Variants in SPAG16 observed in about 807,000 individuals in gnomAD.
SPAG16 encodes sperm associated antigen 16.
Under a neutral mutation model 80.4 loss-of-function variants are expected in SPAG16, and 86 were observed. That is an observed-to-expected ratio of 1.07 (90% CI 0.90 to 1.28). SPAG16 has a LOEUF of 1.28. SPAG16 is among the 50% of genes most tolerant of loss of function. The pLI, the probability that SPAG16 is intolerant of heterozygous loss-of-function variation, is 0.00. For synonymous variants in SPAG16, 294 were observed against 265.9 expected (o/e 1.11, Z -1.03); for missense variants, 870 against 765.3 (o/e 1.14, Z -1.61).
chr2:214,255,714 T>C (rs1168655967), intron 15 of SPAG16, among the ~76,000 whole-genome samples: 34 of 152,030 alleles, frequency 2.2e-4, no homozygotes, highest in Admixed American at 2.2e-3. Context: ...TTCAACCATA[T>C]ATTAGTTTTT....
chr2:213,318,488 T>C (rs1408599120), intron 5 of SPAG16, among the ~76,000 whole-genome samples: 1 of 151,898 alleles, frequency 6.6e-6, no homozygotes, highest in African/African-American at 2.4e-5. Context: ...TAATAGATAC[T>C]GGAGACTTTA....
intron 10 of SPAG16, among the ~76,000 whole-genome samples, chr2:213,509,231 C>T (rs569399713): frequency 7.9e-5 from 12 of 152,184 alleles, no homozygotes; most frequent in South Asian, 2.1e-4. Flanking sequence ...TTCCTGATCT[C>T]GTGATCCACC....
intron 9 of SPAG16, among the ~76,000 whole-genome samples, chr2:213,413,290 TTAAG>T (rs1432914078): frequency 6.6e-6 from 1 of 152,148 alleles, no homozygotes; most frequent in Non-Finnish European, 1.5e-5. Context: ...ATCCATAAGA[TTAAG>T]TATTATTTAA....
At chr2:213,523,781 C>T (rs1350776109) in intron 10 of SPAG16, among the ~76,000 whole-genome samples, 2 of 152,178 alleles carry the variant, frequency 1.3e-5, no homozygotes, top group African/African-American at 2.4e-5. Flanking sequence ...TATATTGCCC[C>T]TGCCCTAAAG....
chr2:213,748,957 G>C (rs902826156), intron 10 of SPAG16, among the ~76,000 whole-genome samples: 1 of 152,096 alleles, frequency 6.6e-6, no homozygotes, highest in Non-Finnish European at 1.5e-5. Flanking sequence ...GACCATCCTG[G>C]CCAACAAGGT....
intron 15 of SPAG16, among the ~76,000 whole-genome samples, chr2:214,374,083 A>G (rs1016917695): frequency 6.6e-6 from 1 of 152,202 alleles, no homozygotes; most frequent in African/African-American, 2.4e-5. Context: ...GTGGCTGGCA[A>G]TGGGGTTAAG....
chr2:214,370,429 TC>T (rs1405375588), intron 15 of SPAG16, among the ~76,000 whole-genome samples: 3 of 152,172 alleles, frequency 2.0e-5, no homozygotes, highest in Non-Finnish European at 4.4e-5. Context: ...TGATCTTTTT[TC>T]CTATGTTTAT....
At chr2:213,496,099 C>T (rs918006482) in intron 10 of SPAG16, among the ~76,000 whole-genome samples, 1 of 152,110 alleles carries the variant, frequency 6.6e-6, no homozygotes, top group Non-Finnish European at 1.5e-5. Context: ...GGAAATTATA[C>T]TGTTATAGGG....
intron 12 of SPAG16, among the ~76,000 whole-genome samples, chr2:213,942,306 A>T (rs1488749215): frequency 1.3e-5 from 2 of 152,154 alleles, no homozygotes; most frequent in African/African-American, 2.4e-5. Flanking sequence ...ATTCAACTGA[A>T]TTTTCTCTAT....
chr2:213,515,230 T>C (rs2075376936), intron 10 of SPAG16, among the ~76,000 whole-genome samples: 2 of 152,304 alleles, frequency 1.3e-5, no homozygotes, highest in Non-Finnish European at 2.9e-5. Context: ...AGGTCTTTCT[T>C]GGACTCAGTA....
chr2:213,943,022 G>T (rs2079276436), intron 12 of SPAG16, among the ~76,000 whole-genome samples: 1 of 152,176 alleles, frequency 6.6e-6, no homozygotes, highest in African/African-American at 2.4e-5. Flanking sequence ...AATACAATGA[G>T]AAGATGGCCA....
intron 11 of SPAG16, among the ~76,000 whole-genome samples, chr2:213,892,610 T>A (rs1217251699): frequency 2.0e-5 from 3 of 151,784 alleles, no homozygotes; most frequent in African/African-American, 7.3e-5. Context: ...AATAAAGAGA[T>A]TAAAATAATT....
At chr2:213,873,459 T>C (rs1173843704) in intron 11 of SPAG16, among the ~76,000 whole-genome samples, 1 of 151,878 alleles carries the variant, frequency 6.6e-6, no homozygotes, top group East Asian at 1.9e-4. Flanking sequence ...TCAACTTTTA[T>C]TGTTGAATTT....
chr2:213,402,041 G>C (rs2068336327), intron 9 of SPAG16, among the ~76,000 whole-genome samples: 1 of 151,706 alleles, frequency 6.6e-6, no homozygotes, highest in African/African-American at 2.4e-5. Flanking sequence ...ATTTAAGAAA[G>C]GTAATTTATA....
At chr2:213,365,935 G>T (rs1447465856) in intron 8 of SPAG16, among the ~76,000 whole-genome samples, 1 of 150,526 alleles carries the variant, frequency 6.6e-6, no homozygotes, top group South Asian at 2.1e-4. Flanking sequence ...GAGGTCAGGA[G>T]ATCGAGACCA....
At chr2:214,120,127 A>C (rs996043122) in intron 14 of SPAG16, among the ~76,000 whole-genome samples, 2 of 151,346 alleles carry the variant, frequency 1.3e-5, no homozygotes, top group Admixed American at 1.3e-4. Context: ...TGTTTTGTCA[A>C]TTCTCTCTAG....
chr2:214,353,325 A>G (rs1698550890), intron 15 of SPAG16, among the ~76,000 whole-genome samples: 1 of 152,142 alleles, frequency 6.6e-6, no homozygotes, highest in Non-Finnish European at 1.5e-5. Context: ...CCTTTTCTAA[A>G]TTCTGTGATA....
rs1357525159 is a variant in SPAG16, at chr2:213,913,202, G to A, written c.1215-16758G>A. 2.0e-5 allele frequency among the ~76,000 whole-genome samples: 3 copies of A among 151,752 alleles called. No homozygotes were observed. The East Asian group carries it at 5.8e-4, about 29-fold the overall frequency. ...CTCTACATTTTATCCACATTGTTAT[G>A]TGCAGCTGTAGTATATTCATTTTCA... On this transcript the variant is annotated intron_variant, in intron 11 of 15. Transcript: ENST00000331683.
chr2:214,255,567 T>C (rs1220990435), intron 15 of SPAG16, among the ~76,000 whole-genome samples: 2 of 151,962 alleles, frequency 1.3e-5, no homozygotes, highest in African/African-American at 4.8e-5. Flanking sequence ...GATTAGAGTT[T>C]AATATTTCCA....
Sources: gnomAD v4.1 joint callset for allele counts (sites outside exome capture counted in the v4.1 genomes callset) on GRCh38, gnomAD v4.1.1 for gene constraint, MANE v1.5 for transcripts, NCBI Gene and HGNC (gene_info 2026-07-23, HGNC 2026-07-21) for gene names.